NOSIP: variants seen among roughly 807,000 people sequenced by gnomAD.
The protein encoded by NOSIP is nitric oxide synthase interacting protein.
Under a neutral mutation model 36.4 loss-of-function variants are expected in NOSIP, and 25 were observed. That is an observed-to-expected ratio of 0.69 (90% CI 0.50 to 0.96). The LOEUF (loss-of-function observed/expected upper bound fraction) is 0.96. Among genes scored for constraint, NOSIP ranks in the 40% least tolerant of loss-of-function variants. NOSIP has a pLI of 0.00. For missense variants in NOSIP, 370 were observed against 429.0 expected, an observed-to-expected ratio of 0.86 and a Z score of 1.21; for synonymous variants, 187 against 179.2, an observed-to-expected ratio of 1.04 and a Z score of -0.35.
At chr19:49,577,612 T>C (rs1354178377) in intron 1 of NOSIP, among the ~76,000 whole-genome samples, 1 of 149,788 alleles carries the variant, frequency 6.7e-6, no homozygotes, top group Admixed American at 6.7e-5. Context: ...AAGAATAAAG[T>C]AGCTGGCTGG....
intron 8 of NOSIP, 131 bp downstream of exon 8, chr19:49,556,184 GGC>G: frequency 2.4e-6 from 1 of 421,006 alleles, no homozygotes; most frequent in Non-Finnish European, 4.2e-6. Context: ...GGGGGGGGGC[GGC>G]CTTACAGAGC....
rs1257563532 is a variant in NOSIP, at chr19:49,574,931, C to T, written c.-2+5584G>A. 3.3e-5 allele frequency among the ~76,000 whole-genome samples: 5 copies of T among 149,986 alleles called. No individual in the cohort carries two copies. In the East Asian group the frequency reaches 5.9e-4, roughly 18 times the overall value. On this transcript the variant is annotated intron_variant, in intron 1 of 8. Transcript: ENST00000596358. ...AGGCTGGAGTGCAGTGGCGTGATCT[C>T]GGCTCACTGCAAGCTCTGCCTCCAG... is the stretch of plus-strand genomic sequence containing the variant.
intron 1 of NOSIP, among the ~76,000 whole-genome samples, chr19:49,577,320 AG>A (rs2080566346): frequency 6.6e-6 from 1 of 152,182 alleles, no homozygotes; most frequent in Non-Finnish European, 1.5e-5. Context: ...GCACTTTGGG[AG>A]GCCAAAGCGG....
intron 1 of NOSIP, among the ~76,000 whole-genome samples, chr19:49,576,221 G>T (rs1466342956): frequency 6.6e-6 from 1 of 152,082 alleles, no homozygotes; most frequent in Non-Finnish European, 1.5e-5. Context: ...TCTCCTGGCT[G>T]TTGTGGCTCA....
rs1169035209 is a variant in NOSIP at position 49,580,288 on chromosome 19, G to A, written c.-2+227C>T. Among the ~76,000 whole-genome samples, 3 of 142,948 alleles carry A rather than the reference G, an allele frequency of 2.1e-5. No individual in the cohort carries two copies. In the South Asian group the frequency reaches 7.8e-4, roughly 37 times the overall value. The allele number at this position is 142,948 out of a possible 152,430, so 93.8% of individuals were successfully genotyped here. ...TAGCTACCACTTGACTGAGTTTATA[G>A]TGAGAGAGAGAGACAAAGAGAGAGA... On this transcript the variant is annotated intron_variant, in intron 1 of 8. Transcript: ENST00000596358.
chr19:49,570,828 C>G (rs2080474341), intron 1 of NOSIP, among the ~76,000 whole-genome samples: 1 of 152,120 alleles, frequency 6.6e-6, no homozygotes, highest in African/African-American at 2.4e-5. Context: ...TGACCCTCTG[C>G]AGTATTTGGC....
At chr19:49,576,011 T>C (rs538343901) in intron 1 of NOSIP, among the ~76,000 whole-genome samples, 1 of 152,076 alleles carries the variant, frequency 6.6e-6, no homozygotes, top group East Asian at 1.9e-4. Context: ...GGCGGGCGCC[T>C]GTAGTCCCAG....
chr19:49,555,487 G>A lies in NOSIP; in HGVS notation c.*264C>T, dbSNP rs564349495. ...TTGGCCAGGCTGGTCTCGAACTCCT[G>A]ACCTCAAGTGATACGCTAGCCTCGG... On this transcript the variant is annotated 3_prime_UTR_variant, in exon 9 of 9. Transcript: ENST00000596358. 6.6e-6 allele frequency among the ~76,000 whole-genome samples: 1 copy of A among 152,306 alleles called. No individual in the cohort carries two copies. Among genetic ancestry groups the A allele is most frequent in the South Asian group, 2.1e-4 (1 of 4,828 alleles).
chr19:49,556,008 G>A (rs531213394), intron 8 of NOSIP, among the ~76,000 whole-genome samples, 186 bp from the exon 9 acceptor site: 1 of 149,094 alleles, frequency 6.7e-6, no homozygotes, highest in Admixed American at 6.7e-5. Flanking sequence ...GCGCAGAGAA[G>A]AGGGTAGAGA....
chr19:49,564,826 A>G (rs900506124), intron 1 of NOSIP, among the ~76,000 whole-genome samples: 2 of 152,114 alleles, frequency 1.3e-5, no homozygotes, highest in African/African-American at 4.8e-5. Flanking sequence ...TAATGGAAAC[A>G]CCCAGCAATG....
chr19:49,564,825 C>T (rs533177357), intron 1 of NOSIP, among the ~76,000 whole-genome samples: 28 of 152,266 alleles, frequency 1.8e-4, no homozygotes, highest in African/African-American at 5.5e-4. Flanking sequence ...ATAATGGAAA[C>T]ACCCAGCAAT....
rs376259890 is a variant in NOSIP, at chr19:49,555,676, G to C, written c.*75C>G. On this transcript the variant is annotated 3_prime_UTR_variant, in exon 9 of 9. Transcript: ENST00000596358. ...CTGCATCCTCGCCTGCCCTGTCCCC[G>C]GGGCGCCCACGCCGCGAATGAAGGC... 3.9e-6 allele frequency: 5 copies of C among 1,284,084 alleles called. No individual in the cohort carries two copies. Among genetic ancestry groups the C allele is most frequent in the African/African-American group, 1.5e-5 (1 of 68,572 alleles). The allele number at this position is 1,284,084 out of a possible 1,614,324, so 79.5% of individuals were successfully genotyped here. A position where few individuals can be genotyped will look rare whatever the true frequency, so the allele number is the denominator to read the frequency against.
At chr19:49,565,506 C>T (rs1174747276) in intron 1 of NOSIP, among the ~76,000 whole-genome samples, 3 of 151,822 alleles carry the variant, frequency 2.0e-5, no homozygotes, top group Non-Finnish European at 4.4e-5. Context: ...CTCAGCACTT[C>T]GGGAGGCTGA....
intron 1 of NOSIP, chr19:49,566,806 T>TATATATATACAC (rs751475250): frequency 6.7e-6 from 1 of 149,874 alleles, no homozygotes; most frequent in African/African-American, 2.5e-5. Context: ...TATATATATA[T>TATATATATACAC]ACACACATAC....
chr19:49,556,867 G>A lies in NOSIP; in HGVS notation c.537+8C>T, dbSNP rs770273311. ...CACCGTGCGTGCCGGGGCGCTGTGG[G>A]GGCTCACCGGCTTCTCCAGCTTGGT... On this transcript the variant is annotated splice_region_variant and intron_variant, in intron 6 of 8. Transcript: ENST00000596358. The A allele has an allele frequency of 1.9e-6, 3 of 1,610,382 alleles. No homozygotes were observed. The highest frequency in any genetic ancestry group is 3.3e-5 in the Admixed American group (2 of 59,926).
chr19:49,559,022 C>T (rs771296306), intron 3 of NOSIP, 44 bp from the exon 4 acceptor site: 14 of 1,503,104 alleles, frequency 9.3e-6, no homozygotes, highest in Non-Finnish European at 1.3e-5. Flanking sequence ...AGTGATCCTC[C>T]CGCCTCGGCC....
intron 4 of NOSIP, chr19:49,558,608 G>T: frequency 2.8e-6 from 1 of 363,398 alleles, no homozygotes. Flanking sequence ...GGGAAAACTC[G>T]AAGTCCATAA....
At chr19:49,559,215 G>A (rs2080297954) in intron 3 of NOSIP, 1 of 508,078 alleles carries the variant, frequency 2.0e-6, no homozygotes, top group Non-Finnish European at 3.5e-6. Context: ...GTAGAGACTA[G>A]ATTTGAGCTT....
chr19:49,565,769 AAAAG>A (rs147179302), intron 1 of NOSIP, among the ~76,000 whole-genome samples: 40 of 140,066 alleles, frequency 2.9e-4, no homozygotes, highest in East Asian at 6.5e-4. Context: ...AAAGAAAAAA[AAAAG>A]AAAGAAAGAA....
Sources: gnomAD v4.1 joint callset for allele counts (sites outside exome capture counted in the v4.1 genomes callset) on GRCh38, gnomAD v4.1.1 for gene constraint, MANE v1.5 for transcripts, NCBI Gene and HGNC (gene_info 2026-07-23, HGNC 2026-07-21) for gene names.